The following NRIP3 variants were observed in gnomAD, a reference collection of about 807,000 sequenced individuals.
NRIP3 encodes nuclear receptor interacting protein 3, also known as nuclear receptor-interacting protein 3.
Under a neutral mutation model 29.0 loss-of-function variants are expected in NRIP3, and 31 were observed. That is an observed-to-expected ratio of 1.07 (90% CI 0.80 to 1.44). The LOEUF is 1.44. Among genes scored for constraint, NRIP3 ranks in the 40% most tolerant of loss-of-function variants. The pLI, the probability that NRIP3 is intolerant of heterozygous loss-of-function variation, is 0.00. For missense variants in NRIP3, 314 were observed against 297.9 expected, an observed-to-expected ratio of 1.05 and a Z score of -0.40; for synonymous variants, 131 against 118.3, an observed-to-expected ratio of 1.11 and a Z score of -0.70.
rs113456827 is a variant in NRIP3, at chr11:8,983,521, G to A, written c.*24C>T. 1.1e-4 allele frequency: 183 copies of A among 1,612,148 alleles called. No individual in the cohort carries two copies. The African/African-American group carries it at 1.7e-3, about 15-fold the overall frequency. ...CAACCCGGTGTGTATGCATGCACAC[G>A]TGCAGACATGCTGCAGGCTGTAGTT... On this transcript the variant is annotated 3_prime_UTR_variant, in exon 7 of 7. Coordinates refer to ENST00000309166, the MANE Select transcript of NRIP3 (RefSeq NM_020645.3).
chr11:8,997,947 A>G (rs961629614), intron 1 of NRIP3, among the ~76,000 whole-genome samples: 1 of 152,210 alleles, frequency 6.6e-6, no homozygotes, highest in Non-Finnish European at 1.5e-5. Context: ...TATTCCCAAG[A>G]GAGAAATCCA....
chr11:8,999,552 A>T (rs146267464), intron 1 of NRIP3, among the ~76,000 whole-genome samples: 1 of 152,240 alleles, frequency 6.6e-6, no homozygotes, highest in African/African-American at 2.4e-5. Context: ...GTATGCGCTG[A>T]AAAGAGTGGA....
Position 8,987,537 on chromosome 11 carries a change from T to C in NRIP3, c.422+11A>G. 2 of 1,600,202 alleles carry C rather than the reference T, an allele frequency of 1.2e-6. No homozygotes were observed. Reference sequence around the variant, plus strand: ...ACATCTAAGTTCCACTCAGCACAAGTGCCTACTTACCCCAATCTGTCCACA... The same window carrying C: ...ACATCTAAGTTCCACTCAGCACAAGCGCCTACTTACCCCAATCTGTCCACA... On this transcript the variant is annotated intron_variant, in intron 3 of 6. Transcript: ENST00000309166.
chr11:8,984,235 A>G (rs529577064), intron 4 of NRIP3, 111 bp from the exon 5 acceptor site: 7 of 713,418 alleles, frequency 9.8e-6, no homozygotes, highest in African/African-American at 7.1e-5. Context: ...CAATAAACAT[A>G]TATTGAGCAT....
Position 8,983,954 on chromosome 11 carries a change from C to T in NRIP3, c.631G>A (p.Asp211Asn), listed in dbSNP as rs767040477. The T allele has an allele frequency of 1.9e-6, 3 of 1,614,132 alleles. No individual in the cohort carries two copies. The highest frequency in any genetic ancestry group is 1.7e-6 in the Non-Finnish European group (2 of 1,180,008). ...LRSLKCIINL[D>N]KHRLIMGKTD... Reference sequence around the variant, plus strand: ...TTCCCCATGATCAGCCGGTGCTTATCCAAGTTTATGATGCACTGAAAACAG... The same window carrying T: ...TTCCCCATGATCAGCCGGTGCTTATTCAAGTTTATGATGCACTGAAAACAG... The change falls in exon 6 of 7, where the codon GAT becomes AAT. Residue 211 changes from aspartate to asparagine, a missense_variant. Coordinates refer to ENST00000309166, the MANE Select transcript of NRIP3 (RefSeq NM_020645.3).
chr11:8,989,598 C>T (rs1854566233), intron 1 of NRIP3, among the ~76,000 whole-genome samples: 1 of 152,182 alleles, frequency 6.6e-6, no homozygotes, highest in Non-Finnish European at 1.5e-5. Context: ...TGATTCTTGG[C>T]AAAGCACATT....
chr11:8,988,170 G>C lies in NRIP3; in HGVS notation c.287C>G (p.Ser96Cys). ...SKTNKLNQAK[S>C]EGLKKSEEDD... The stretch of plus-strand genomic sequence containing the variant: ...CTCCTCAGACTTCTTTAGCCCCTCA[G>C]ACTTAGCCTGATTGAGTTTGTTCGT... Residue 96 changes from serine to cysteine, a missense_variant, in exon 2 of 7, where the codon TCT becomes TGT. Transcript: ENST00000309166. 1.9e-6 allele frequency: 3 copies of C among 1,614,188 alleles called. No homozygotes were observed. The highest frequency in any genetic ancestry group is 2.5e-6 in the Non-Finnish European group (3 of 1,180,042).
rs953459749 is a variant in NRIP3 at position 9,003,955 on chromosome 11, C to A, written c.-20G>T. ...AAACATCGCTGAGGCGCCGGCGGCC[C>A]GGTAGCCCACAGCCCCCCGGCAGCC... On this transcript the variant is annotated 5_prime_UTR_variant, in exon 1 of 7. Coordinates refer to ENST00000309166, the MANE Select transcript of NRIP3 (RefSeq NM_020645.3). 2.0e-6 allele frequency: 3 copies of A among 1,477,636 alleles called. No homozygotes were observed. The highest frequency in any genetic ancestry group is 2.7e-6 in the Non-Finnish European group (3 of 1,109,876). 91.5% of individuals were successfully genotyped at this position (1,477,636 alleles called of 1,614,324 possible).
chr11:8,985,040 G>A (rs536292163), intron 4 of NRIP3, among the ~76,000 whole-genome samples: 8 of 152,062 alleles, frequency 5.3e-5, no homozygotes, highest in Non-Finnish European at 7.4e-5. Context: ...TAGTACAGAC[G>A]GGGTTTCTCC....
At chr11:8,990,290 T>C (rs1167570781) in intron 1 of NRIP3, among the ~76,000 whole-genome samples, 1 of 152,178 alleles carries the variant, frequency 6.6e-6, no homozygotes, top group East Asian at 1.9e-4. Flanking sequence ...TCCCATATTT[T>C]CTTCACTGAG....
intron 1 of NRIP3, among the ~76,000 whole-genome samples, chr11:8,997,297 C>T (rs182311907): frequency 6.7e-6 from 1 of 148,238 alleles, no homozygotes; most frequent in Non-Finnish European, 1.5e-5. Flanking sequence ...ATCGCTTGAA[C>T]CCGGGAGGCG....
At chr11:9,002,129 A>G (rs1200834492) in intron 1 of NRIP3, among the ~76,000 whole-genome samples, 1 of 152,172 alleles carries the variant, frequency 6.6e-6, no homozygotes, top group Non-Finnish European at 1.5e-5. Context: ...TCTCAGGGCT[A>G]GGAAACTCCT....
chr11:8,984,065 A>G lies in NRIP3; in HGVS notation c.615+7T>C, dbSNP rs1854467623. 2 of 1,610,316 alleles carry G rather than the reference A, an allele frequency of 1.2e-6. No individual in the cohort carries two copies. The highest frequency in any genetic ancestry group is 1.7e-6 in the Non-Finnish European group (2 of 1,176,490). On this transcript the variant is annotated splice_region_variant and intron_variant, in intron 5 of 6. Transcript: ENST00000309166. ...AAGTATCAAGGGGTAAGTGGAGTCA[A>G]TCTTACCTTCAGAGATCGGAGAGTC...
At chr11:8,985,465 G>A (rs553888468) in intron 4 of NRIP3, among the ~76,000 whole-genome samples, 6 of 139,376 alleles carry the variant, frequency 4.3e-5, no homozygotes, top group South Asian at 2.7e-4. Context: ...CACCGCACCC[G>A]GCCGAATTTT....
At chr11:8,986,929 G>A (rs1241059268) in intron 3 of NRIP3, among the ~76,000 whole-genome samples, 2 of 152,168 alleles carry the variant, frequency 1.3e-5, no homozygotes, top group Non-Finnish European at 2.9e-5. Flanking sequence ...GAGGCAGGAG[G>A]ATCACTTGAG....
intron 1 of NRIP3, among the ~76,000 whole-genome samples, chr11:8,989,630 A>G (rs1353013508): frequency 6.6e-6 from 1 of 152,230 alleles, no homozygotes; most frequent in African/African-American, 2.4e-5. Context: ...TCTTTGGGAA[A>G]AGTGGAGGGA....
rs752751846 is a variant in NRIP3, at chr11:8,985,700, A to G, written c.562+11T>C. The stretch of plus-strand genomic sequence containing the variant: ...TTAGGGTCCATAGGTCCAGCCCTCA[A>G]TTCTGCTTACCAACCACAGCTGCTG... On this transcript the variant is annotated intron_variant, in intron 4 of 6. Transcript: ENST00000309166. 5 of 1,613,248 alleles carry G rather than the reference A, an allele frequency of 3.1e-6. No individual in the cohort carries two copies. Among genetic ancestry groups the G allele is most frequent in the East Asian group, 2.2e-5 (1 of 44,874 alleles).
rs11273145 is a variant in NRIP3, at chr11:9,002,528, A to AAATTATACTGTGTAC, written c.174+1233_174+1234insGTACACAGTATAATT. Among the ~76,000 whole-genome samples the AAATTATACTGTGTAC allele has an allele frequency of 1.1e-3, 162 of 147,790 alleles. 2 individuals are homozygous for AAATTATACTGTGTAC. Among genetic ancestry groups the AAATTATACTGTGTAC allele is most frequent in the African/African-American group, 3.8e-3 (150 of 39,884 alleles). Reference sequence around the variant, plus strand: ...AAGTAACTAATGGCAGGGAGGAGAAAAATTTTTGTATATTATATTATACTG... The same window carrying AAATTATACTGTGTAC: ...AAGTAACTAATGGCAGGGAGGAGAAAAATTATACTGTGTACAATTTTTGTATATTATATTATACTG... On this transcript the variant is annotated intron_variant, in intron 1 of 6. Coordinates refer to ENST00000309166, the MANE Select transcript of NRIP3 (RefSeq NM_020645.3).
Position 8,980,792 on chromosome 11 carries a change from C to T in NRIP3, c.*2753G>A, listed in dbSNP as rs1280771045. 6.6e-6 allele frequency: 1 copy of T among 152,198 alleles called. No homozygotes were observed. The highest frequency in any genetic ancestry group is 1.5e-5 in the Non-Finnish European group (1 of 68,044). The allele number at this position is 152,198 out of a possible 1,614,324, so 9.4% of individuals were successfully genotyped here. A position where few individuals can be genotyped will look rare whatever the true frequency, so the allele number is the denominator to read the frequency against. ...TACCAGGCAACCCATTGTATAGACACTTTGAGCTAAGAAATAGAAAATTGT... is the reference window on the plus strand; with the variant it reads ...TACCAGGCAACCCATTGTATAGACATTTTGAGCTAAGAAATAGAAAATTGT... On this transcript the variant is annotated 3_prime_UTR_variant, in exon 7 of 7. Coordinates refer to ENST00000309166, the MANE Select transcript of NRIP3 (RefSeq NM_020645.3).
Sources: allele counts gnomAD v4.1 joint callset (sites outside exome capture counted in the v4.1 genomes callset), GRCh38; gene constraint gnomAD v4.1.1; transcripts MANE v1.5; gene names NCBI Gene and HGNC (gene_info 2026-07-23, HGNC 2026-07-21).